Variants in LHX4 observed in about 807,000 individuals in gnomAD.
LHX4 encodes the protein LIM/homeobox protein Lhx4.
In LHX4, 16 loss-of-function variants were observed where a neutral mutation model predicts 39.2. The ratio of observed to expected loss-of-function variants is 0.41; its 90% CI spans 0.28 to 0.62. The LOEUF is 0.62. LHX4 is among the 20% of genes least tolerant of loss of function. LHX4 has a pLI of 0.33. For synonymous variants in LHX4, 206 were observed against 198.1 expected (o/e 1.04, Z -0.33); for missense variants, 439 against 511.9 (o/e 0.86, Z 1.37).
intron 5 of LHX4, 113 bp from the exon 6 acceptor site, chr1:180,274,072 C>T (rs1425373214): frequency 3.7e-6 from 5 of 1,344,420 alleles, no homozygotes; most frequent in Non-Finnish European, 5.3e-6. Flanking sequence ...GGCTGCAAGG[C>T]AGCTGCCATC....
chr1:180,242,394 A>G (rs1664462156), intron 1 of LHX4, among the ~76,000 whole-genome samples: 1 of 151,936 alleles, frequency 6.6e-6, no homozygotes, highest in Non-Finnish European at 1.5e-5. Flanking sequence ...CTCAAGGTGT[A>G]TCTTTATTTG....
At position 180,266,234 on chromosome 1, in the gene LHX4, G is replaced by A. The variant is rs556969364; in HGVS notation, c.249-158G>A. Among the ~76,000 whole-genome samples, 12 of 152,308 alleles carry A rather than the reference G, an allele frequency of 7.9e-5. No individual in the cohort carries two copies. The highest frequency in any genetic ancestry group is 1.8e-4 in the Non-Finnish European group (12 of 68,026). On this transcript the variant is annotated intron_variant, in intron 2 of 5. Transcript: ENST00000263726. The surrounding 1 kb of genome is among the most constrained non-coding windows in gnomAD (Gnocchi z 5.7). ...AGGCACAAAGCAATGAAGCTAGATGGAGGCAGAGAGGACCAGACGGTAAGC... is the reference window on the plus strand; with the variant it reads ...AGGCACAAAGCAATGAAGCTAGATGAAGGCAGAGAGGACCAGACGGTAAGC...
rs1648895341 is a variant in LHX4, at chr1:180,274,374, A to G, written c.968A>G (p.His323Arg). 2.5e-6 allele frequency: 4 copies of G among 1,614,018 alleles called. No individual in the cohort carries two copies. The highest frequency in any genetic ancestry group is 2.5e-6 in the Non-Finnish European group (3 of 1,180,030). The part of the protein sequence containing the change: ...SPSSISSLPS[H>R]APLLNGLDYT... ...TCCTCCATATCGTCCCTGCCATCCC[A>G]CGCTCCTTTGCTCAATGGGCTGGAT... The change falls in exon 6 of 6, where the codon CAC becomes CGC. Residue 323 changes from histidine to arginine, a missense_variant. By Grantham distance (29) the His-to-Arg change is conservative. Coordinates refer to ENST00000263726, the MANE Select transcript of LHX4 (RefSeq NM_033343.4).
At chr1:180,233,677 C>A (rs1664232221) in intron 1 of LHX4, among the ~76,000 whole-genome samples, 6 of 152,148 alleles carry the variant, frequency 3.9e-5, no homozygotes, top group Admixed American at 3.9e-4. Context: ...CATGTAGTCT[C>A]CCCAGGCACC....
intron 3 of LHX4, chr1:180,271,117 G>A: frequency 5.5e-6 from 3 of 545,130 alleles, no homozygotes. Flanking sequence ...CTGTGCAGCT[G>A]GGCTGGCAGG....
intron 1 of LHX4, among the ~76,000 whole-genome samples, chr1:180,243,504 G>A (rs1249957326): frequency 1.3e-5 from 2 of 152,088 alleles, no homozygotes; most frequent in Non-Finnish European, 1.5e-5. Flanking sequence ...GGCTTATGTT[G>A]TTGCTCTTTG....
Position 180,274,620 on chromosome 1 carries a change from A to G in LHX4, c.*41A>G. 4 of 1,514,308 alleles carry G rather than the reference A, an allele frequency of 2.6e-6. No individual in the cohort carries two copies. Among genetic ancestry groups the G allele is most frequent in the Non-Finnish European group, 2.6e-6 (3 of 1,135,362 alleles). The allele number at this position is 1,514,308 out of a possible 1,614,324, so 93.8% of individuals were successfully genotyped here. A position where few individuals can be genotyped will look rare whatever the true frequency, so the allele number is the denominator to read the frequency against. On this transcript the variant is annotated 3_prime_UTR_variant, in exon 6 of 6. Coordinates refer to ENST00000263726, the MANE Select transcript of LHX4 (RefSeq NM_033343.4). ...ACCCTACCTGCCCCCCTGGCTTGAG[A>G]GAATATCTTCAAGGATCAAAAGAGA... is the stretch of plus-strand genomic sequence containing the variant.
At position 180,249,559 on chromosome 1, in the gene LHX4, A is replaced by T. The variant is rs181495071; in HGVS notation, c.248+1103A>T. On this transcript the variant is annotated intron_variant, in intron 2 of 5. Coordinates refer to ENST00000263726, the MANE Select transcript of LHX4 (RefSeq NM_033343.4). ...CAAAGGCTGAACACACCCAGCCCAG[A>T]TAACCAAGCCCCATAGAGGCACCTC... is the stretch of plus-strand genomic sequence containing the variant. Among the ~76,000 whole-genome samples the T allele has an allele frequency of 2.7e-3, 411 of 152,340 alleles. 2 individuals carry two copies. The highest frequency in any genetic ancestry group is 9.5e-3 in the African/African-American group (394 of 41,576).
At chr1:180,267,389 G>A (rs12140076) in intron 3 of LHX4, among the ~76,000 whole-genome samples, 12,258 of 152,330 alleles carry the variant, frequency 0.08, 511 homozygotes, top group Middle Eastern at 0.095. Context: ...AGCGGCTCTC[G>A]CCCTACATGC....
At chr1:180,239,265 C>T (rs1184692714) in intron 1 of LHX4, among the ~76,000 whole-genome samples, 2 of 152,186 alleles carry the variant, frequency 1.3e-5, no homozygotes, top group Non-Finnish European at 2.9e-5. Flanking sequence ...CCCAAGCCTG[C>T]CTTTAGAAAA....
chr1:180,271,250 C>T (rs536093530), intron 3 of LHX4, 130 bp from the exon 4 acceptor site: 2 of 995,906 alleles, frequency 2.0e-6, no homozygotes, highest in Non-Finnish European at 1.6e-6. Context: ...CTCTGATGTC[C>T]CCTGTGCCTC....
Position 180,271,368 on chromosome 1 carries a change from T to C in LHX4, c.452-12T>C. The C allele has an allele frequency of 6.2e-7, 1 of 1,613,880 alleles. No individual in the cohort carries two copies. Among genetic ancestry groups the C allele is most frequent in the Non-Finnish European group, 8.5e-7 (1 of 1,179,976 alleles). On this transcript the variant is annotated splice_polypyrimidine_tract_variant and intron_variant, in intron 3 of 5. Transcript: ENST00000263726. ...TAGGCCGAAGCCAGTAAGCAGTGGTTTTTCCTTGCAGATGACTCAGAGGCT... is the reference window on the plus strand; with the variant it reads ...TAGGCCGAAGCCAGTAAGCAGTGGTCTTTCCTTGCAGATGACTCAGAGGCT...
intron 1 of LHX4, among the ~76,000 whole-genome samples, chr1:180,237,227 G>A (rs532133663): frequency 6.6e-6 from 1 of 151,334 alleles, no homozygotes; most frequent in South Asian, 2.1e-4. Context: ...GGGGGGCGGG[G>A]AGGAGGGCGG....
intron 3 of LHX4, among the ~76,000 whole-genome samples, chr1:180,268,887 A>G (rs951387388): frequency 6.6e-6 from 1 of 152,000 alleles, no homozygotes; most frequent in Non-Finnish European, 1.5e-5. Flanking sequence ...GGTTGTTTTA[A>G]TTCCTCCTTG....
At chr1:180,231,364 G>T (rs956134744) in intron 1 of LHX4, among the ~76,000 whole-genome samples, 3 of 151,870 alleles carry the variant, frequency 2.0e-5, no homozygotes, top group African/African-American at 7.3e-5. Context: ...CTGCCCGCCC[G>T]CTTTCTTCCC....
At chr1:180,258,422 C>T (rs944170897) in intron 2 of LHX4, among the ~76,000 whole-genome samples, 2 of 152,138 alleles carry the variant, frequency 1.3e-5, no homozygotes, top group Non-Finnish European at 2.9e-5. Context: ...CGTTAGGGAG[C>T]CTGTGGCTTT....
chr1:180,252,494 C>T (rs79058837), intron 2 of LHX4, among the ~76,000 whole-genome samples: 19,239 of 152,246 alleles, frequency 0.13, 1,627 homozygotes, highest in South Asian at 0.23. Context: ...ATGTCCTTTT[C>T]TGGTACCTCC....
intron 2 of LHX4, among the ~76,000 whole-genome samples, chr1:180,265,446 G>T (rs1368628633): frequency 6.6e-6 from 1 of 152,132 alleles, no homozygotes; most frequent in East Asian, 1.9e-4. Flanking sequence ...GTGTGCCTCT[G>T]TTGATCTCTA....
chr1:180,264,412 C>CACACACACACACACACAG (rs1491284802), intron 2 of LHX4, among the ~76,000 whole-genome samples: 2 of 144,070 alleles, frequency 1.4e-5, no homozygotes, highest in Non-Finnish European at 3.1e-5. Context: ...CACACACACA[C>CACACACACACACACACAG]AGTAGAGGTG....
Sources: allele counts gnomAD v4.1 joint callset (sites outside exome capture counted in the v4.1 genomes callset), GRCh38; gene constraint gnomAD v4.1.1; non-coding constraint Gnocchi (gnomAD v3.1); transcripts MANE v1.5; gene names NCBI Gene and HGNC (gene_info 2026-07-23, HGNC 2026-07-21).